KIFC2: variants seen among roughly 807,000 people sequenced by gnomAD.
KIFC2 encodes kinesin-like protein KIFC2.
KIFC2 carries 94 observed loss-of-function variants against 91.5 expected under a neutral mutation model. The ratio of observed to expected loss-of-function variants is 1.03; its 90% CI spans 0.87 to 1.22. The LOEUF is 1.22. Ranked by LOEUF, KIFC2 falls within the 50% of genes most tolerant of loss-of-function variation. The probability of loss-of-function intolerance (pLI) is 0.00; values close to 1 mark genes in which losing one functional copy is unlikely to be tolerated. For synonymous variants in KIFC2, 729 were observed against 503.9 expected (o/e 1.45, Z -5.98); for missense variants, 1,357 against 1,103.3 (o/e 1.23, Z -3.26).
At position 144,466,842 on chromosome 8, in the gene KIFC2, G is replaced by GGTGC. The variant is rs1564745998; in HGVS notation, c.178+6_178+9dup. 1 of 1,536,780 alleles carries GGTGC rather than the reference G, an allele frequency of 6.5e-7. No individual in the cohort carries two copies. Among genetic ancestry groups the GGTGC allele is most frequent in the Admixed American group, 1.9e-5 (1 of 51,422 alleles). On this transcript the variant is annotated splice_donor_region_variant and intron_variant, in intron 2 of 17. Coordinates refer to ENST00000645548, the MANE Select transcript of KIFC2 (RefSeq NM_001369769.2). ...ACCGAGCTGACCGGCCTGGCCGGTAGGTGCGGGCTGGGAGTCCCGCGGTGC... is the reference window on the plus strand; with the variant it reads ...ACCGAGCTGACCGGCCTGGCCGGTAGGTGCGTGCGGGCTGGGAGTCCCGCGGTGC...
rs1199472765 is a variant in KIFC2, at chr8:144,473,314, T to A, written c.2301T>A (p.Pro767=). 6.2e-7 allele frequency: 1 copy of A among 1,602,978 alleles called. No homozygotes were observed. Among genetic ancestry groups the A allele is most frequent in the East Asian group, 2.3e-5 (1 of 44,362 alleles). ...CCCCCTGCACCCCTACGCCGTCCCC[T>A]GGCAGTCCTCCATGCCCCAGTCCCG... ...TGTPCTPTPS[P]GSPPCPSPDN... Residue 767 remains proline (P), a synonymous_variant, in exon 18 of 18, where the codon CCT becomes CCA. Coordinates refer to ENST00000645548, the MANE Select transcript of KIFC2 (RefSeq NM_001369769.2).
At position 144,473,200 on chromosome 8, in the gene KIFC2, A is replaced by G. The variant is rs978448490; in HGVS notation, c.2187A>G (p.Gln729=). The stretch of plus-strand genomic sequence containing the variant: ...TCAAGTTCGCCGACCGAGTGGGTCA[A>G]GTGGAGCTGGGGCCAGCCCGGCGCC... The part of the protein sequence containing the change: ...CSLKFADRVG[Q]VELGPARRRR... The change falls in exon 18 of 18, where the codon CAA becomes CAG. Residue 729 remains glutamine, a synonymous_variant. Coordinates refer to ENST00000645548, the MANE Select transcript of KIFC2 (RefSeq NM_001369769.2). The G allele has an allele frequency of 3.8e-6, 6 of 1,585,686 alleles. No homozygotes were observed. The highest frequency in any genetic ancestry group is 5.1e-6 in the Non-Finnish European group (6 of 1,166,936).
At chr8:144,470,022 A>C (rs990795159) in intron 12 of KIFC2, among the ~76,000 whole-genome samples, 95 of 152,132 alleles carry the variant, frequency 6.2e-4, no homozygotes, top group African/African-American at 2.2e-3. Context: ...CTCCTTCCCC[A>C]CCCTTTTCCT....
rs1346913230 is a variant in KIFC2, at chr8:144,467,303, C to T, written c.431C>T (p.Thr144Ile). ...GGGAGGCAGGCCCTGCTCCAGGGGACTCAGCCAGCCCCTCGGGTCCGGCCC... is the reference window on the plus strand; with the variant it reads ...GGGAGGCAGGCCCTGCTCCAGGGGATTCAGCCAGCCCCTCGGGTCCGGCCC... The part of the protein sequence containing the change: ...PRGRQALLQG[T>I]QPAPRVRPPS... Residue 144 changes from threonine to isoleucine, a missense_variant, in exon 4 of 18, where the codon ACT becomes ATT. Coordinates refer to ENST00000645548, the MANE Select transcript of KIFC2 (RefSeq NM_001369769.2). 4.3e-6 allele frequency: 7 copies of T among 1,612,274 alleles called. No individual in the cohort carries two copies. The highest frequency in any genetic ancestry group is 1.3e-5 in the African/African-American group (1 of 75,026).
intron 12 of KIFC2, among the ~76,000 whole-genome samples, chr8:144,471,634 T>G (rs1824928299): frequency 6.6e-6 from 1 of 152,178 alleles, no homozygotes; most frequent in Non-Finnish European, 1.5e-5. Flanking sequence ...ACACCACACC[T>G]GCGCTCTTAA....
At chr8:144,471,773 G>T (rs1172169353) in intron 12 of KIFC2, among the ~76,000 whole-genome samples, 169 bp from the exon 13 acceptor site, 1 of 152,086 alleles carries the variant, frequency 6.6e-6, no homozygotes, top group Non-Finnish European at 1.5e-5. Context: ...TCTCTAGGGA[G>T]ACAGAGGGTC....
intron 2 of KIFC2, 54 bp from the exon 3 acceptor site, chr8:144,466,905 C>T (rs936371325): frequency 5.1e-6 from 8 of 1,557,856 alleles, no homozygotes; most frequent in African/African-American, 1.4e-5. Flanking sequence ...GGGGCGGAGG[C>T]CTGGCTCAAG....
In KIFC2 at chr8:144,473,403, C is replaced by T. The variant is rs867860775; in HGVS notation, c.*14C>T. The T allele has an allele frequency of 1.3e-6, 2 of 1,571,728 alleles. No homozygotes were observed. The highest frequency in any genetic ancestry group is 8.6e-7 in the Non-Finnish European group (1 of 1,164,644). On this transcript the variant is annotated 3_prime_UTR_variant, in exon 18 of 18. Coordinates refer to ENST00000645548, the MANE Select transcript of KIFC2 (RefSeq NM_001369769.2). ...CTGCCCCTCTAGTCCTGGGTCGCGG[C>T]CCTGCCCATGGGGTCTCAGGCCAGG...
chr8:144,467,809 G>C, intron 6 of KIFC2, 30 bp downstream of exon 6: 1 of 1,613,444 alleles, frequency 6.2e-7, no homozygotes, highest in Admixed American at 1.7e-5. Context: ...TGGCAGGGCC[G>C]GGCATGGAGG....
Position 144,468,309 on chromosome 8 carries a change from T to C in KIFC2, c.811-20T>C. 4 of 1,598,118 alleles carry C rather than the reference T, an allele frequency of 2.5e-6. No individual in the cohort carries two copies. The highest frequency in any genetic ancestry group is 3.4e-6 in the Non-Finnish European group (4 of 1,172,076). ...AGACCGTCCCTCTCTGAGTCCCTCC[T>C]GGCCCCCACCCTCCCGCAGGAGGAG... On this transcript the variant is annotated intron_variant, in intron 7 of 17. Coordinates refer to ENST00000645548, the MANE Select transcript of KIFC2 (RefSeq NM_001369769.2).
intron 7 of KIFC2, 150 bp downstream of exon 7, chr8:144,468,137 C>G: frequency 8.7e-7 from 1 of 1,145,056 alleles, no homozygotes; most frequent in Non-Finnish European, 1.2e-6. Context: ...TGGGAAGACC[C>G]CCCTCTCCGT....
In KIFC2 at chr8:144,468,395, C is replaced by G. The variant is rs372367634; in HGVS notation, c.877C>G (p.Leu293Val). ...LQEAQDTTEALRAQLGVQEVQ... is the reference protein window; with the variant it reads ...LQEAQDTTEAVRAQLGVQEVQ... Reference sequence around the variant, plus strand: ...GGAGGCCCAAGACACCACAGAAGCCCTCCGAGCCCAGGTGGGCATGGGGCC... The same window carrying G: ...GGAGGCCCAAGACACCACAGAAGCCGTCCGAGCCCAGGTGGGCATGGGGCC... Residue 293 changes from leucine to valine, a missense_variant, in exon 8 of 18, where the codon CTC becomes GTC. By Grantham distance (32) the Leu-to-Val change is conservative (BLOSUM62 1). Coordinates refer to ENST00000645548, the MANE Select transcript of KIFC2 (RefSeq NM_001369769.2). 31 of 1,612,716 alleles carry G rather than the reference C, an allele frequency of 1.9e-5. No homozygotes were observed. Among genetic ancestry groups the G allele is most frequent in the Non-Finnish European group, 2.4e-5 (28 of 1,179,872 alleles).
chr8:144,466,436 C>A lies in KIFC2; in HGVS notation c.17C>A (p.Ser6Ter). The change falls in exon 1 of 18, where the codon TCG becomes TAG. Residue 6 changes from serine to a stop codon, truncating the protein, a stop_gained. Coordinates refer to ENST00000645548, the MANE Select transcript of KIFC2 (RefSeq NM_001369769.2). LOFTEE classifies it high-confidence loss of function. ...CGCGCTCCCATGTACGCCTTTTACT[C>A]GTTGCTCATCTACATCTTCTACAGC... is the stretch of plus-strand genomic sequence containing the variant. The part of the protein sequence containing the change: MYAFY[S>*]LLIYIFYSLF... 1 of 1,357,384 alleles carries A rather than the reference C, an allele frequency of 7.4e-7. No individual in the cohort carries two copies. The highest frequency in any genetic ancestry group is 3.4e-5 in the East Asian group (1 of 29,124). 84.1% of individuals were successfully genotyped at this position (1,357,384 alleles called of 1,614,324 possible).
Position 144,466,954 on chromosome 8 carries a change from G to C in KIFC2, c.179-5G>C, listed in dbSNP as rs1190383643. The C allele has an allele frequency of 4.4e-6, 7 of 1,590,312 alleles. No homozygotes were observed. Among genetic ancestry groups the C allele is most frequent in the Non-Finnish European group, 3.4e-6 (4 of 1,175,422 alleles). Reference sequence around the variant, plus strand: ...ATGTCTCCCGCCCTCCTCCCTGACCGGCAGCCAGCTCCGAGCCTGAGGATG... The same window carrying C: ...ATGTCTCCCGCCCTCCTCCCTGACCCGCAGCCAGCTCCGAGCCTGAGGATG... On this transcript the variant is annotated splice_region_variant and splice_polypyrimidine_tract_variant and intron_variant, in intron 2 of 17. Coordinates refer to ENST00000645548, the MANE Select transcript of KIFC2 (RefSeq NM_001369769.2).
intron 12 of KIFC2, among the ~76,000 whole-genome samples, chr8:144,471,313 A>C (rs966594992): frequency 1.4e-5 from 2 of 142,042 alleles, no homozygotes; most frequent in African/African-American, 2.5e-5. Context: ...ATATATATGT[A>C]TATGTATTTT....
Position 144,467,592 on chromosome 8 carries a change from A to G in KIFC2, c.577A>G (p.Arg193Gly). Residue 193 changes from arginine to glycine, a missense_variant, in exon 5 of 18, where the codon AGG (arginine) becomes GGG (glycine). By Grantham distance (125) the Arg-to-Gly change is moderately radical. Coordinates refer to ENST00000645548, the MANE Select transcript of KIFC2 (RefSeq NM_001369769.2). ...GCCCCTCCAGTTGGAGGAGGATCAGAGGGCGTGGCAGCGGCTGGAGCAGCT... is the reference window on the plus strand; with the variant it reads ...GCCCCTCCAGTTGGAGGAGGATCAGGGGGCGTGGCAGCGGCTGGAGCAGCT... ...QQPLQLEEDQ[R>G]AWQRLEQLIL... is the part of the protein sequence containing the mutation. 1 of 1,600,686 alleles carries G rather than the reference A, an allele frequency of 6.2e-7. No homozygotes were observed. The highest frequency in any genetic ancestry group is 8.5e-7 in the Non-Finnish European group (1 of 1,173,150).
Position 144,468,318 on chromosome 8 carries a change from C to T in KIFC2, c.811-11C>T, listed in dbSNP as rs768997238. On this transcript the variant is annotated splice_polypyrimidine_tract_variant and intron_variant, in intron 7 of 17. Transcript: ENST00000645548. ...CTCTCTGAGTCCCTCCTGGCCCCCA[C>T]CCTCCCGCAGGAGGAGGCAGAGGCA... 4.4e-6 allele frequency: 7 copies of T among 1,605,194 alleles called. No individual in the cohort carries two copies. The African/African-American group carries it at 5.3e-5, about 12-fold the overall frequency.
chr8:144,466,226 C>A, upstream of KIFC2: 1 of 188,824 alleles, frequency 5.3e-6, no homozygotes, highest in Non-Finnish European at 1.1e-5. Context: ...TGAGAAACGG[C>A]GGGTCTCCAG....
chr8:144,472,729 C>T (rs1824982490), intron 16 of KIFC2, 23 bp downstream of exon 16: 2 of 1,592,528 alleles, frequency 1.3e-6, no homozygotes, highest in South Asian at 2.2e-5. Context: ...GTGCCTGAGC[C>T]CTGCGGAGTC....
Sources: gnomAD v4.1 joint callset for allele counts (sites outside exome capture counted in the v4.1 genomes callset) on GRCh38, gnomAD v4.1.1 for gene constraint, MANE v1.5 for transcripts, NCBI Gene and HGNC (gene_info 2026-07-23, HGNC 2026-07-21) for gene names.